VGLL4: variants seen among roughly 807,000 people sequenced by gnomAD.
VGLL4 encodes the protein vestigial like family member 4, also known as transcription cofactor vestigial-like protein 4.
In VGLL4, 7 loss-of-function variants were observed where a neutral mutation model predicts 21.0. The observed-to-expected ratio is 0.33, with a 90% CI of 0.19 to 0.63. The LOEUF (loss-of-function observed/expected upper bound fraction) is 0.63, where lower values mean the gene tolerates loss of function less well. Ranked by LOEUF, VGLL4 falls within the 20% of genes least tolerant of loss-of-function variation. VGLL4 has a pLI of 0.78. For missense variants in VGLL4, 394 were observed against 425.7 expected, an observed-to-expected ratio of 0.93 and a Z score of 0.66; for synonymous variants, 222 against 173.2, an observed-to-expected ratio of 1.28 and a Z score of -2.21.
At chr3:11,567,296 C>A (rs1236167966) in intron 2 of VGLL4, among the ~76,000 whole-genome samples, 2 of 152,232 alleles carry the variant, frequency 1.3e-5, no homozygotes, top group Non-Finnish European at 1.5e-5. Flanking sequence ...CCTCAGTGAG[C>A]GCCAAGAGAA....
chr3:11,631,625 AT>A (rs1433757328), intron 1 of VGLL4, among the ~76,000 whole-genome samples: 1 of 152,166 alleles, frequency 6.6e-6, no homozygotes, highest in Admixed American at 6.5e-5. Context: ...AGACTGTGAC[AT>A]TTTTGGGTTT....
chr3:11,583,733 C>T (rs2074295073), intron 2 of VGLL4, among the ~76,000 whole-genome samples: 1 of 152,202 alleles, frequency 6.6e-6, no homozygotes, highest in Admixed American at 6.5e-5. Context: ...GGCCATAGCC[C>T]CCTCAGCTCC....
At chr3:11,563,456 G>A (rs1212182882) in intron 3 of VGLL4, among the ~76,000 whole-genome samples, 6 of 152,220 alleles carry the variant, frequency 3.9e-5, no homozygotes, top group Non-Finnish European at 8.8e-5. Context: ...AGCCCCTGCT[G>A]CTGCCCAACA....
At chr3:11,573,312 G>A (rs60322862) in intron 2 of VGLL4, among the ~76,000 whole-genome samples, 435 of 9,508 alleles carry the variant, frequency 0.046, 24 homozygotes, top group Middle Eastern at 0.11. Flanking sequence ...AGAAAGGAAG[G>A]AAGGAAGAAA....
chr3:11,703,887 C>T (rs571583094), intron 1 of VGLL4, among the ~76,000 whole-genome samples: 1 of 152,352 alleles, frequency 6.6e-6, no homozygotes, highest in Non-Finnish European at 1.5e-5. Flanking sequence ...ACTACGTATG[C>T]ACCGGTCACA....
chr3:11,593,153 T>G (rs912966516), intron 2 of VGLL4, among the ~76,000 whole-genome samples: 4 of 152,250 alleles, frequency 2.6e-5, no homozygotes, highest in African/African-American at 9.6e-5. Context: ...AATGAGGAAT[T>G]GCTTCCTTCA....
chr3:11,672,456 T>C (rs2076230841), intron 2 of VGLL4, among the ~76,000 whole-genome samples: 1 of 152,182 alleles, frequency 6.6e-6, no homozygotes, highest in African/African-American at 2.4e-5. Context: ...TCATTTACTA[T>C]CCCTGGAGCA....
At chr3:11,621,478 A>G (rs2075264992) in intron 1 of VGLL4, among the ~76,000 whole-genome samples, 1 of 152,214 alleles carries the variant, frequency 6.6e-6, no homozygotes, top group South Asian at 2.1e-4. Flanking sequence ...TTAAAAGTTC[A>G]TCCATGTTGT....
intron 2 of VGLL4, among the ~76,000 whole-genome samples, chr3:11,570,697 G>A (rs1021811172): frequency 6.6e-6 from 1 of 152,184 alleles, no homozygotes; most frequent in Admixed American, 6.5e-5. Flanking sequence ...TTCTGAAAAA[G>A]CAAAATTTAA....
intron 2 of VGLL4, among the ~76,000 whole-genome samples, chr3:11,684,836 T>C (rs1298099572): frequency 6.6e-6 from 1 of 152,138 alleles, no homozygotes; most frequent in African/African-American, 2.4e-5. Flanking sequence ...TTTGAGTTTT[T>C]TGTGATTTTT....
chr3:11,601,570 G>A (rs1298831654), intron 2 of VGLL4, among the ~76,000 whole-genome samples: 1 of 152,166 alleles, frequency 6.6e-6, no homozygotes, highest in African/African-American at 2.4e-5. Flanking sequence ...AAGCTCTAAG[G>A]GGACATTAAC....
chr3:11,713,983 T>G (rs960834866), intron 1 of VGLL4, among the ~76,000 whole-genome samples: 1 of 152,130 alleles, frequency 6.6e-6, no homozygotes, highest in Non-Finnish European at 1.5e-5. Flanking sequence ...GGTACGATAC[T>G]TAGTCATCAC....
chr3:11,643,733 T>A lies in VGLL4; in HGVS notation c.-215A>T. On this transcript the variant is annotated 5_prime_UTR_variant, in exon 1 of 5. Coordinates refer to ENST00000430365, the MANE Select transcript of VGLL4 (RefSeq NM_001128219.3). The stretch of plus-strand genomic sequence containing the variant: ...ACGAAACCCTTCAAGGGCTTACTGG[T>A]AGACGGTGTATGTACTGTATCCCCG... 7.2e-7 allele frequency: 1 copy of A among 1,391,654 alleles called. No homozygotes were observed. The highest frequency in any genetic ancestry group is 9.3e-7 in the Non-Finnish European group (1 of 1,075,490). The allele number at this position is 1,391,654 out of a possible 1,614,324, so 86.2% of individuals were successfully genotyped here. A position where few individuals can be genotyped will look rare whatever the true frequency, so the allele number is the denominator to read the frequency against.
chr3:11,667,495 A>T (rs2076143749), intron 2 of VGLL4, among the ~76,000 whole-genome samples: 1 of 152,188 alleles, frequency 6.6e-6, no homozygotes, highest in South Asian at 2.1e-4. Context: ...ATCATATACC[A>T]TTTATCTGCA....
At chr3:11,676,333 G>A (rs1295284646) in intron 2 of VGLL4, among the ~76,000 whole-genome samples, 3 of 151,584 alleles carry the variant, frequency 2.0e-5, no homozygotes, top group Admixed American at 6.6e-5. Flanking sequence ...CTTGCAGTGA[G>A]CCGAGATTGC....
upstream of VGLL4, among the ~76,000 whole-genome samples, chr3:11,647,738 AGGTC>A (rs2075813695): frequency 6.6e-6 from 1 of 151,606 alleles, no homozygotes; most frequent in Admixed American, 6.6e-5. Context: ...CACCTTTTCG[AGGTC>A]AGTCTGGCAG....
chr3:11,590,600 CTGCAACATTAA>C (rs2074465515), intron 2 of VGLL4, among the ~76,000 whole-genome samples: 1 of 152,050 alleles, frequency 6.6e-6, no homozygotes, highest in Non-Finnish European at 1.5e-5. Flanking sequence ...CAGAACATTA[CTGCAACATTAA>C]GCCCTCTAAT....
chr3:11,575,682 G>A (rs766309197), intron 2 of VGLL4, among the ~76,000 whole-genome samples: 3 of 152,234 alleles, frequency 2.0e-5, no homozygotes, highest in African/African-American at 2.4e-5. Context: ...GAGACCTGTC[G>A]GAAACGCTGC....
chr3:11,669,638 C>T (rs1338260754), intron 2 of VGLL4, among the ~76,000 whole-genome samples: 2 of 151,876 alleles, frequency 1.3e-5, no homozygotes, highest in Non-Finnish European at 2.9e-5. Flanking sequence ...GACAGCCTCA[C>T]TGTAATATTT....
Sources: allele counts gnomAD v4.1 joint callset (sites outside exome capture counted in the v4.1 genomes callset), GRCh38; gene constraint gnomAD v4.1.1; transcripts MANE v1.5; gene names NCBI Gene and HGNC (gene_info 2026-07-23, HGNC 2026-07-21).